Variants in ZNG1E observed in about 807,000 individuals in gnomAD.
The protein encoded by ZNG1E is zinc-regulated GTPase metalloprotein activator 1E.
the ZNG1E span, among the ~76,000 whole-genome samples, chr9:65,685,038 T>C: frequency 8.1e-6 from 1 of 123,342 alleles, no homozygotes; most frequent in Admixed American, 9.3e-5. Context: ...TGAGACCCCA[T>C]TTCTTAAAAA....
At chr9:65,678,170 C>G in the ZNG1E span, among the ~76,000 whole-genome samples, 3 of 149,814 alleles carry the variant, frequency 2.0e-5, no homozygotes, top group Admixed American at 2.0e-4. Flanking sequence ...TACATTCACC[C>G]TTTCCTTTCA....
At chr9:65,681,425 G>A in the ZNG1E span, 1 of 1,595,728 alleles carries the variant, frequency 6.3e-7, no homozygotes, top group Non-Finnish European at 8.5e-7. Flanking sequence ...CTGTAATTTA[G>A]ATATCAAGGC....
chr9:65,706,703 A>G, the ZNG1E span: 1 of 130,404 alleles, frequency 7.7e-6, no homozygotes, highest in Non-Finnish European at 1.6e-5. Context: ...ATATTTTATT[A>G]TTTTCTGTAA....
chr9:65,728,285 A>G, the ZNG1E span, among the ~76,000 whole-genome samples: 28 of 151,298 alleles, frequency 1.9e-4, no homozygotes, highest in South Asian at 4.6e-3. Flanking sequence ...TGCCTCCATC[A>G]AAAAGTTGGA....
chr9:65,666,973 A>T, the ZNG1E span, among the ~76,000 whole-genome samples: 30 of 151,632 alleles, frequency 2.0e-4, no homozygotes, highest in East Asian at 1.7e-3. Flanking sequence ...GGAGTGTGCT[A>T]TCACACTCGG....
At chr9:65,678,584 A>G in the ZNG1E span, among the ~76,000 whole-genome samples, 116 of 146,978 alleles carry the variant, frequency 7.9e-4, 4 homozygotes, top group Middle Eastern at 3.5e-3. Context: ...CAGTTGAACT[A>G]CAATACTATG....
the ZNG1E span, chr9:65,719,896 A>T: frequency 7.6e-7 from 1 of 1,320,794 alleles, no homozygotes; most frequent in African/African-American, 1.6e-5. Flanking sequence ...CTCTATTGGA[A>T]TTTGCAAACA....
At chr9:65,660,828 G>GATATATATATATATATATATATAT in the ZNG1E span, among the ~76,000 whole-genome samples, 1 of 130,330 alleles carries the variant, frequency 7.7e-6, no homozygotes, top group Admixed American at 7.7e-5. Context: ...TGGTTATACA[G>GATATATATATATATATATATATAT]ATATATATAT....
chr9:65,687,970 G>A, the ZNG1E span, among the ~76,000 whole-genome samples: 3 of 148,104 alleles, frequency 2.0e-5, no homozygotes, highest in Non-Finnish European at 3.0e-5. Flanking sequence ...CTTTTTTTTT[G>A]GTCAAATTAT....
the ZNG1E span, among the ~76,000 whole-genome samples, chr9:65,715,136 A>G: frequency 1.9e-3 from 281 of 149,258 alleles, 5 homozygotes; most frequent in African/African-American, 6.2e-3. Context: ...AAAGCGCAGT[A>G]TTCTGGTGGG....
the ZNG1E span, among the ~76,000 whole-genome samples, chr9:65,709,712 A>G: frequency 4.4e-5 from 6 of 136,306 alleles, no homozygotes; most frequent in Middle Eastern, 7.1e-3. Context: ...ATAGTATTCC[A>G]TGGTGTATAT....
chr9:65,704,187 AT>A, the ZNG1E span: 100 of 11,866 alleles, frequency 8.4e-3, no homozygotes, highest in Middle Eastern at 0.017. Context: ...ATTTATAAAC[AT>A]TTTAAGTCAA....
At chr9:65,680,300 C>T in the ZNG1E span, among the ~76,000 whole-genome samples, 2 of 152,270 alleles carry the variant, frequency 1.3e-5, no homozygotes, top group African/African-American at 4.8e-5. Flanking sequence ...CAGTTATATT[C>T]GATTTCTGGT....
chr9:65,665,005 C>T, the ZNG1E span, among the ~76,000 whole-genome samples: 2 of 152,260 alleles, frequency 1.3e-5, no homozygotes, highest in Non-Finnish European at 2.9e-5. Flanking sequence ...CAAGAGGTGA[C>T]TTGGGTGCTG....
At chr9:65,731,129 G>C in the ZNG1E span, among the ~76,000 whole-genome samples, 1 of 152,304 alleles carries the variant, frequency 6.6e-6, no homozygotes, top group Non-Finnish European at 1.5e-5. Flanking sequence ...CTTCGGTTTT[G>C]AGTTTTATTC....
the ZNG1E span, among the ~76,000 whole-genome samples, chr9:65,672,484 G>T: frequency 6.7e-6 from 1 of 150,032 alleles, no homozygotes; most frequent in Non-Finnish European, 1.5e-5. Context: ...AGTGGCTCAC[G>T]CCTGTAATCC....
At chr9:65,663,178 G>C in the ZNG1E span, among the ~76,000 whole-genome samples, 2 of 152,282 alleles carry the variant, frequency 1.3e-5, no homozygotes, top group African/African-American at 4.8e-5. Context: ...AGAACAAGTA[G>C]CTCCTCAGGC....
the ZNG1E span, among the ~76,000 whole-genome samples, chr9:65,730,942 AAAAT>A: frequency 7.2e-6 from 1 of 139,632 alleles, no homozygotes; most frequent in Non-Finnish European, 1.5e-5. Flanking sequence ...ATAAAGAAGA[AAAAT>A]AAATCCTAAA....
At chr9:65,657,162 T>C in the ZNG1E span, among the ~76,000 whole-genome samples, 3 of 152,054 alleles carry the variant, frequency 2.0e-5, no homozygotes, top group East Asian at 5.8e-4. Flanking sequence ...AGTATGGAGG[T>C]TCCTGTAAAG....
Sources: gnomAD v4.1 joint callset for allele counts (sites outside exome capture counted in the v4.1 genomes callset) on GRCh38, gnomAD v4.1.1 for gene constraint, MANE v1.5 for transcripts, NCBI Gene and HGNC (gene_info 2026-07-23, HGNC 2026-07-21) for gene names.